PTK2: variants seen among roughly 807,000 people sequenced by gnomAD.
The protein encoded by PTK2 is protein tyrosine kinase 2, also known as focal adhesion kinase 1.
Under a neutral mutation model 150.1 loss-of-function variants are expected in PTK2, and 45 were observed. The ratio of observed to expected loss-of-function variants is 0.30; its 90% confidence interval spans 0.24 to 0.38. The LOEUF (loss-of-function observed/expected upper bound fraction) is 0.38, where lower values mean the gene tolerates loss of function less well. Among genes scored for constraint, PTK2 ranks in the 10% least tolerant of loss-of-function variants. The pLI, the probability that PTK2 is intolerant of heterozygous loss-of-function variation, is 1.00. For missense variants in PTK2, 919 were observed against 1,307.3 expected, an observed-to-expected ratio of 0.70 and a Z score of 4.58; for synonymous variants, 432 against 449.2, an observed-to-expected ratio of 0.96 and a Z score of 0.48.
At chr8:140,681,278 G>T (rs557679022) in intron 27 of PTK2, among the ~76,000 whole-genome samples, 1 of 151,638 alleles carries the variant, frequency 6.6e-6, no homozygotes, top group Non-Finnish European at 1.5e-5. Flanking sequence ...TCTTGAGCCC[G>T]GTAAGCAGAA....
rs185796736 is a variant in PTK2 at position 140,701,018 on chromosome 8, G to C, written c.2372C>G (p.Ser791Cys). 221 of 1,613,698 alleles carry C rather than the reference G, an allele frequency of 1.4e-4. 1 individual carries two copies. The highest frequency in any genetic ancestry group is 9.0e-4 in the Admixed American group (54 of 59,990). Residue 791 changes from serine to cysteine, a missense_variant, in exon 26 of 32, where the codon TCT becomes TGT. Physicochemically the swap from Ser to Cys is moderately radical, Grantham distance 112. Coordinates refer to ENST00000522684, the Ensembl canonical transcript of PTK2. ...AATCCCTCGCAGGTCCAATACTGTAGAGTCCTGGAAGAAGGGTTGAAAACA... is the reference window on the plus strand; with the variant it reads ...AATCCCTCGCAGGTCCAATACTGTACAGTCCTGGAAGAAGGGTTGAAAACA...
intron 1 of PTK2, among the ~76,000 whole-genome samples, chr8:140,947,295 C>T (rs2154609003): frequency 6.6e-6 from 1 of 152,284 alleles, no homozygotes; most frequent in East Asian, 1.9e-4. Flanking sequence ...TATAAAAGAA[C>T]TACCTCAACT....
At chr8:140,785,528 G>A (rs780893785) in intron 14 of PTK2, among the ~76,000 whole-genome samples, 2 of 152,256 alleles carry the variant, frequency 1.3e-5, no homozygotes, top group Non-Finnish European at 2.9e-5. Context: ...CTTTCTATGA[G>A]GTACTGACAT....
chr8:140,958,002 A>T (rs2100181781), intron 1 of PTK2, among the ~76,000 whole-genome samples: 1 of 152,236 alleles, frequency 6.6e-6, no homozygotes, highest in Non-Finnish European at 1.5e-5. Flanking sequence ...CTCTCATGAA[A>T]TAGCAAAGTC....
upstream of PTK2, chr8:141,001,890 A>G (rs1460351972): frequency 6.6e-6 from 1 of 150,504 alleles, no homozygotes; most frequent in Non-Finnish European, 1.5e-5. Context: ...GGGCTGGGCC[A>G]TTATTTGATT....
At chr8:140,988,536 T>C (rs952173028) in intron 1 of PTK2, among the ~76,000 whole-genome samples, 1 of 152,102 alleles carries the variant, frequency 6.6e-6, no homozygotes, top group Non-Finnish European at 1.5e-5. Context: ...GAGACCATCC[T>C]GGCTAACACA....
At chr8:140,849,795 C>T (rs1023723403) in intron 5 of PTK2, among the ~76,000 whole-genome samples, 3 of 152,192 alleles carry the variant, frequency 2.0e-5, no homozygotes, top group African/African-American at 7.2e-5. Context: ...ATATAAAGAT[C>T]AGAAAACTTA....
intron 15 of PTK2, 30 bp from the exon 18 acceptor site, chr8:140,762,418 G>A (rs1413810523): frequency 1.3e-5 from 15 of 1,117,156 alleles, no homozygotes; most frequent in Non-Finnish European, 1.7e-5. Flanking sequence ...GAAAAAAATT[G>A]AAGACCTTGC....
chr8:140,689,991 C>T (rs1368541603), intron 26 of PTK2, among the ~76,000 whole-genome samples: 1 of 152,174 alleles, frequency 6.6e-6, no homozygotes, highest in East Asian at 1.9e-4. Context: ...CTCCCTCTGT[C>T]TCCCAGGCTG....
chr8:140,715,603 C>A (rs2100039273), intron 23 of PTK2, among the ~76,000 whole-genome samples: 1 of 152,100 alleles, frequency 6.6e-6, no homozygotes, highest in Admixed American at 6.6e-5. Context: ...GTGAAAGCAG[C>A]TGTGGATAAT....
Position 140,702,559 on chromosome 8 carries a change from ACCCGAT to A in PTK2, c.2367+5_2367+10del. On this transcript the variant is annotated splice_donor_5th_base_variant and intron_variant, in intron 25 of 31. Transcript: ENST00000522684. ...AAGTTAACAAACTGAAGCCCAAGAC[ACCCGAT>A]TTACCTCCACATTGGGCTGCCACAT... 1 of 1,612,726 alleles carries A rather than the reference ACCCGAT, an allele frequency of 6.2e-7. No homozygotes were observed. The highest frequency in any genetic ancestry group is 1.1e-5 in the South Asian group (1 of 90,658).
intron 1 of PTK2, among the ~76,000 whole-genome samples, chr8:140,930,118 T>G (rs2100171171): frequency 6.6e-6 from 1 of 152,202 alleles, no homozygotes; most frequent in South Asian, 2.1e-4. Context: ...AGTTTGAGGC[T>G]TATAATATGT....
At chr8:140,790,066 AC>A (rs1312687470) in intron 13 of PTK2, among the ~76,000 whole-genome samples, 3,178 of 152,300 alleles carry the variant, frequency 0.021, 120 homozygotes, top group African/African-American at 0.072. Context: ...ATGGTTTAAC[AC>A]TAGTTTTACA....
intron 24 of PTK2, 125 bp from the exon 28 acceptor site, chr8:140,702,832 T>C (rs1156744784): frequency 1.9e-6 from 2 of 1,079,554 alleles, no homozygotes; most frequent in South Asian, 1.7e-5. Flanking sequence ...CCCCCAAAGA[T>C]ACCCATGTTC....
chr8:140,830,424 C>T, intron 8 of PTK2, 48 bp downstream of exon 8: 1 of 1,266,506 alleles, frequency 7.9e-7, no homozygotes, highest in Non-Finnish European at 1.1e-6. Context: ...GGGAAAAGGT[C>T]TTGGCATAAT....
intron 29 of PTK2, 156 bp downstream of exon 32, chr8:140,674,142 C>A (rs747045437): frequency 1.2e-6 from 1 of 805,234 alleles, no homozygotes; most frequent in South Asian, 1.3e-5. Context: ...GGGTTCAGAA[C>A]CAGACCAATT....
intron 14 of PTK2, among the ~76,000 whole-genome samples, chr8:140,765,698 C>CA (rs2100071897): frequency 1.3e-5 from 2 of 152,096 alleles, no homozygotes; most frequent in African/African-American, 4.8e-5. Context: ...CTGTTTTCAG[C>CA]AAATACTAAG....
chr8:140,941,500 T>C (rs1391950597), intron 1 of PTK2, among the ~76,000 whole-genome samples: 1 of 152,190 alleles, frequency 6.6e-6, no homozygotes, highest in Non-Finnish European at 1.5e-5. Context: ...TGCCACACAT[T>C]ATAGTATATC....
chr8:140,727,364 G>A lies in PTK2; in HGVS notation c.2030+7887C>T, dbSNP rs892591270. 2.0e-5 allele frequency among the ~76,000 whole-genome samples: 3 copies of A among 152,028 alleles called. No individual in the cohort carries two copies. In the East Asian group the frequency reaches 5.8e-4, roughly 29 times the overall value. On this transcript the variant is annotated intron_variant, in intron 22 of 31. Coordinates refer to ENST00000522684, the Ensembl canonical transcript of PTK2. ...TTTTTTATCACTGGGAAGACTGCGGGCCAAAACAGAACACAAACAAAAAAC... is the reference window on the plus strand; with the variant it reads ...TTTTTTATCACTGGGAAGACTGCGGACCAAAACAGAACACAAACAAAAAAC...
Sources: gnomAD v4.1 joint callset for allele counts (sites outside exome capture counted in the v4.1 genomes callset) on GRCh38, gnomAD v4.1.1 for gene constraint, MANE v1.5 for transcripts, NCBI Gene and HGNC (gene_info 2026-07-23, HGNC 2026-07-21) for gene names.